The following SNRNP48 variants were observed in gnomAD, a reference collection of about 807,000 sequenced individuals.
The protein encoded by SNRNP48 is U11/U12 small nuclear ribonucleoprotein 48 kDa protein.
A neutral mutation model predicts 47.0 loss-of-function variants in SNRNP48; 43 were observed. The observed-to-expected ratio is 0.92, with a 90% CI of 0.72 to 1.18. SNRNP48 has a LOEUF of 1.18. Ranked by LOEUF, SNRNP48 falls within the 50% of genes most tolerant of loss-of-function variation. The pLI is 0.00. For missense variants in SNRNP48, 396 were observed against 422.2 expected (o/e 0.94, Z 0.54); for synonymous variants, 138 against 144.0 (o/e 0.96, Z 0.30).
rs774131361 is a variant in SNRNP48 at position 7,593,852 on chromosome 6, C to T, written c.270+5C>T. On this transcript the variant is annotated splice_donor_5th_base_variant and intron_variant, in intron 2 of 8. Coordinates refer to ENST00000342415, the MANE Select transcript of SNRNP48 (RefSeq NM_152551.4). ...GGCTATACCAAAGAAGAAGAGGTAC[C>T]ATATATTTACTATATTATATATACA... 19 of 1,524,336 alleles carry T rather than the reference C, an allele frequency of 1.2e-5. No homozygotes were observed. The highest frequency in any genetic ancestry group is 1.7e-5 in the Non-Finnish European group (19 of 1,123,674). The allele number at this position is 1,524,336 out of a possible 1,614,324, so 94.4% of individuals were successfully genotyped here. A position where few individuals can be genotyped will look rare whatever the true frequency, so the allele number is the denominator to read the frequency against.
chr6:7,597,884 GA>G (rs1759932581), intron 4 of SNRNP48, among the ~76,000 whole-genome samples: 2 of 59,166 alleles, frequency 3.4e-5, no homozygotes, highest in Admixed American at 1.6e-4. Flanking sequence ...TTTTTTTTTT[GA>G]GGCGGAATCT....
At position 7,595,105 on chromosome 6, in the gene SNRNP48, A is replaced by G. The variant is rs1759881180; in HGVS notation, c.406+4A>G. On this transcript the variant is annotated splice_donor_region_variant and intron_variant, in intron 4 of 8. Coordinates refer to ENST00000342415, the MANE Select transcript of SNRNP48 (RefSeq NM_152551.4). ...GACAGTGATTGTTATAATCAAAGTAAGTGGCATTACAGTTTAAGTGAATTA... is the reference window on the plus strand; with the variant it reads ...GACAGTGATTGTTATAATCAAAGTAGGTGGCATTACAGTTTAAGTGAATTA... 6.3e-7 allele frequency: 1 copy of G among 1,582,710 alleles called. No homozygotes were observed. Among genetic ancestry groups the G allele is most frequent in the Non-Finnish European group, 8.6e-7 (1 of 1,167,832 alleles).
Position 7,590,269 on chromosome 6 carries a change from G to T in SNRNP48, c.12G>T (p.Glu4Asp), listed in dbSNP as rs147784961. The T allele has an allele frequency of 1.3e-5, 17 of 1,350,672 alleles. No homozygotes were observed. Among genetic ancestry groups the T allele is most frequent in the South Asian group, 1.1e-4 (5 of 46,204 alleles). The allele number at this position is 1,350,672 out of a possible 1,614,324, so 83.7% of individuals were successfully genotyped here. A position where few individuals can be genotyped will look rare whatever the true frequency, so the allele number is the denominator to read the frequency against. The change falls in exon 1 of 9, where the codon GAG (glutamate) becomes GAT (aspartate). Residue 4 changes from glutamate to aspartate, a missense_variant. By Grantham distance (45) the Glu-to-Asp change is conservative. Coordinates refer to ENST00000342415, the MANE Select transcript of SNRNP48 (RefSeq NM_152551.4). MEG[E>D]PPPVEERRRL... ...GGTGGGCTGCAGCTATGGAGGGCGA[G>T]CCTCCACCTGTGGAGGAGCGGCGGC...
Position 7,605,398 on chromosome 6 carries a change from G to A in SNRNP48, c.718G>A (p.Val240Met). 1 of 1,613,820 alleles carries A rather than the reference G, an allele frequency of 6.2e-7. No homozygotes were observed. The highest frequency in any genetic ancestry group is 1.3e-5 in the African/African-American group (1 of 75,006). Residue 240 changes from valine (V) to methionine (M), a missense_variant and splice_region_variant, in exon 7 of 9, where the codon GTG becomes ATG. Coordinates refer to ENST00000342415, the MANE Select transcript of SNRNP48 (RefSeq NM_152551.4). ...VHITKKSYTE[V>M]IRDVINVHME... ...AAGTTCGGTGCTTACCTCTCCCAAG[G>A]TGATTCGAGATGTGATAAATGTGCA...
rs559986722 is a variant in SNRNP48, at chr6:7,610,672, G to A, written c.*1799G>A. On this transcript the variant is annotated 3_prime_UTR_variant, in exon 9 of 9. Coordinates refer to ENST00000342415, the MANE Select transcript of SNRNP48 (RefSeq NM_152551.4). ...GGAGAAATTGGGGGGAAATAGAAGA[G>A]TACGGAGAAAGGAAGAGATTGAAAA... 1 of 152,286 alleles carries A rather than the reference G, an allele frequency of 6.6e-6. No homozygotes were observed. Among genetic ancestry groups the A allele is most frequent in the African/African-American group, 2.4e-5 (1 of 41,540 alleles). The allele number at this position is 152,286 out of a possible 1,614,324, so 9.4% of individuals were successfully genotyped here. A position where few individuals can be genotyped will look rare whatever the true frequency, so the allele number is the denominator to read the frequency against.
Position 7,601,493 on chromosome 6 carries a change from C to T in SNRNP48, c.564C>T (p.Leu188=). The part of the protein sequence containing the change: ...DSQIIENDSD[L]FVDLAAKINQ... ...AAATTATTGAAAATGACAGCGATCT[C>T]TTTGTAGACTTGGCTGCCAAAATCA... The change falls in exon 5 of 9, where the codon CTC becomes CTT. Residue 188 remains leucine, a synonymous_variant. Transcript: ENST00000342415. 6.3e-7 allele frequency: 1 copy of T among 1,584,362 alleles called. No individual in the cohort carries two copies.
In SNRNP48 at chr6:7,609,910, C is replaced by T. The variant is rs1302508281; in HGVS notation, c.*1037C>T. On this transcript the variant is annotated 3_prime_UTR_variant, in exon 9 of 9. Transcript: ENST00000342415. ...CCCAAAATTCTCATACCCCCTTTCC[C>T]AATCAATTCCTCTACCCCTAGCCCT... is the stretch of plus-strand genomic sequence containing the variant. 6.6e-6 allele frequency: 1 copy of T among 152,046 alleles called. No individual in the cohort carries two copies. Among genetic ancestry groups the T allele is most frequent in the East Asian group, 1.9e-4 (1 of 5,192 alleles). The allele number at this position is 152,046 out of a possible 1,614,324, so 9.4% of individuals were successfully genotyped here.
intron 1 of SNRNP48, among the ~76,000 whole-genome samples, chr6:7,591,954 T>A (rs1759826712): frequency 6.6e-6 from 1 of 152,222 alleles, no homozygotes; most frequent in African/African-American, 2.4e-5. Context: ...TAGTTCCTAG[T>A]CCTAGTTGTC....
At chr6:7,606,330 T>A (rs921803323) in intron 8 of SNRNP48, 135 bp downstream of exon 8, 3 of 892,898 alleles carry the variant, frequency 3.4e-6, no homozygotes, top group Admixed American at 6.4e-5. Context: ...CAATTGACGA[T>A]GATTCTTAAC....
intron 5 of SNRNP48, among the ~76,000 whole-genome samples, chr6:7,602,041 A>G (rs1042164876): frequency 1.3e-5 from 2 of 151,924 alleles, no homozygotes; most frequent in Non-Finnish European, 2.9e-5. Context: ...TTTAGTAGAG[A>G]TGGGGTTTTG....
Sources: gnomAD v4.1 joint callset for allele counts (sites outside exome capture counted in the v4.1 genomes callset) on GRCh38, gnomAD v4.1.1 for gene constraint, MANE v1.5 for transcripts, NCBI Gene and HGNC (gene_info 2026-07-23, HGNC 2026-07-21) for gene names.